The following TIA1 variants were observed in gnomAD, a reference collection of about 807,000 sequenced individuals.
The protein encoded by TIA1 is TIA1 cytotoxic granule associated RNA binding protein.
A neutral mutation model predicts 65.9 loss-of-function variants in TIA1; 23 were observed. That is an observed-to-expected ratio of 0.35 (90% CI 0.25 to 0.49). The LOEUF is 0.49. Among genes scored for constraint, TIA1 ranks in the 20% least tolerant of loss-of-function variants. TIA1 has a pLI of 0.98. For synonymous variants in TIA1, 147 were observed against 149.4 expected, an observed-to-expected ratio of 0.98 and a Z score of 0.12; for missense variants, 371 against 477.9, an observed-to-expected ratio of 0.78 and a Z score of 2.09.
intron 7 of TIA1, 155 bp from the exon 8 acceptor site, chr2:70,217,149 G>A: frequency 1.8e-6 from 1 of 546,086 alleles, no homozygotes; most frequent in Non-Finnish European, 2.9e-6. Flanking sequence ...AAAATGCAAT[G>A]GTGCTTTTTA....
At position 70,233,981 on chromosome 2, in the gene TIA1, G is replaced by C. The variant is rs141802885; in HGVS notation, c.123+2098C>G. Among the ~76,000 whole-genome samples the C allele has an allele frequency of 3.6e-3, 541 of 152,294 alleles. 1 individual carries two copies. The highest frequency in any genetic ancestry group is 5.3e-3 in the Non-Finnish European group (359 of 68,020). On this transcript the variant is annotated intron_variant, in intron 2 of 12. Coordinates refer to ENST00000433529, the MANE Select transcript of TIA1 (RefSeq NM_022173.4). Reference sequence around the variant, plus strand: ...TTAGATTTGAATAATAAAAATCTAAGCTTTTGAGCGATCAGAATCCACAAA... The same window carrying C: ...TTAGATTTGAATAATAAAAATCTAACCTTTTGAGCGATCAGAATCCACAAA...
rs1488498734 is a variant in TIA1, at chr2:70,210,295, C to T, written c.*2424G>A. On this transcript the variant is annotated 3_prime_UTR_variant, in exon 13 of 13. Coordinates refer to ENST00000433529, the MANE Select transcript of TIA1 (RefSeq NM_022173.4). Reference sequence around the variant, plus strand: ...CATTAAGTGTAAATCACTTCAGGTTCTTTACAGTACCAGAAAGTAAAATCT... The same window carrying T: ...CATTAAGTGTAAATCACTTCAGGTTTTTTACAGTACCAGAAAGTAAAATCT... The T allele has an allele frequency of 2.0e-5, 3 of 152,298 alleles. No homozygotes were observed. The East Asian group carries it at 5.8e-4, about 29-fold the overall frequency. The allele number at this position is 152,298 out of a possible 1,614,324, so 9.4% of individuals were successfully genotyped here. A position where few individuals can be genotyped will look rare whatever the true frequency, so the allele number is the denominator to read the frequency against.
intron 1 of TIA1, among the ~76,000 whole-genome samples, chr2:70,245,700 G>A (rs747468444): frequency 3.3e-5 from 5 of 152,036 alleles, no homozygotes; most frequent in East Asian, 1.9e-4. Flanking sequence ...ATAAACTTTC[G>A]GGAAGTTTGT....
intron 1 of TIA1, among the ~76,000 whole-genome samples, chr2:70,244,642 T>G (rs1247486809): frequency 6.6e-6 from 1 of 151,884 alleles, no homozygotes; most frequent in Non-Finnish European, 1.5e-5. Flanking sequence ...GAGACCATCC[T>G]GGCTAACACG....
intron 6 of TIA1, chr2:70,224,852 A>G: frequency 7.8e-7 from 1 of 1,273,904 alleles, no homozygotes; most frequent in Non-Finnish European, 9.9e-7. Flanking sequence ...TTTATATTGT[A>G]CAGAAATTGC....
chr2:70,245,685 G>A (rs780451176), intron 1 of TIA1, among the ~76,000 whole-genome samples: 2 of 152,094 alleles, frequency 1.3e-5, no homozygotes, highest in African/African-American at 4.8e-5. Context: ...AAATAATCTT[G>A]CAGTATAAAC....
intron 11 of TIA1, 89 bp from the exon 12 acceptor site, chr2:70,214,583 C>A (rs978481907): frequency 4.1e-5 from 38 of 938,148 alleles, no homozygotes; most frequent in Non-Finnish European, 5.2e-5. Flanking sequence ...CCAAAACACA[C>A]AGGGCCATCA....
At chr2:70,213,093 C>T (rs1199620579) in intron 12 of TIA1, among the ~76,000 whole-genome samples, 1 of 151,980 alleles carries the variant, frequency 6.6e-6, no homozygotes, top group Non-Finnish European at 1.5e-5. Flanking sequence ...TAAGAAAATA[C>T]CCTGAACTTA....
intron 2 of TIA1, among the ~76,000 whole-genome samples, chr2:70,234,671 A>G (rs58938541): frequency 6.6e-6 from 1 of 152,000 alleles, no homozygotes; most frequent in Admixed American, 6.6e-5. Flanking sequence ...AAACAATTCT[A>G]CTGCCTTAGC....
At chr2:70,215,872 C>T (rs930149115) in intron 10 of TIA1, among the ~76,000 whole-genome samples, 9 of 152,098 alleles carry the variant, frequency 5.9e-5, no homozygotes, top group African/African-American at 1.9e-4. Flanking sequence ...CCTCAGCCTC[C>T]CGAGTAGCTG....
rs1573117452 is a variant in TIA1 at position 70,212,610 on chromosome 2, T to C, written c.*109A>G. On this transcript the variant is annotated 3_prime_UTR_variant, in exon 13 of 13. Transcript: ENST00000433529. The stretch of plus-strand genomic sequence containing the variant: ...AAAATGAATCTTTTAAATAAATACA[T>C]TGTATCTGACATTTGCACTGACTGA... 5 of 625,938 alleles carry C rather than the reference T, an allele frequency of 8.0e-6. No homozygotes were observed. Among genetic ancestry groups the C allele is most frequent in the East Asian group, 5.3e-5 (2 of 38,002 alleles). 38.8% of individuals were successfully genotyped at this position (625,938 alleles called of 1,614,324 possible).
intron 1 of TIA1, among the ~76,000 whole-genome samples, chr2:70,239,662 C>T (rs1690809068): frequency 1.3e-5 from 2 of 152,144 alleles, no homozygotes; most frequent in Non-Finnish European, 2.9e-5. Context: ...ATATTGAGTG[C>T]TTAACACGAA....
chr2:70,222,719 G>C (rs2104221501), intron 7 of TIA1, among the ~76,000 whole-genome samples: 1 of 152,298 alleles, frequency 6.6e-6, no homozygotes, highest in South Asian at 2.1e-4. Context: ...TTTGAGACCA[G>C]CCTGGCCAAC....
chr2:70,230,170 A>G (rs113005557), intron 3 of TIA1, among the ~76,000 whole-genome samples: 12,525 of 147,582 alleles, frequency 0.085, 546 homozygotes, highest in East Asian at 0.19. Context: ...ATGAACCCGG[A>G]AGGCAGAGCT....
chr2:70,221,851 A>T (rs1260404964), intron 7 of TIA1, among the ~76,000 whole-genome samples: 3 of 151,850 alleles, frequency 2.0e-5, no homozygotes, highest in African/African-American at 7.3e-5. Context: ...GCAGTGGTGC[A>T]ATCTCAGCTC....
intron 1 of TIA1, among the ~76,000 whole-genome samples, chr2:70,238,723 C>G (rs993586528): frequency 6.6e-6 from 1 of 151,846 alleles, no homozygotes; most frequent in African/African-American, 2.4e-5. Flanking sequence ...ATAAATCGTG[C>G]ATTACAAGAC....
chr2:70,228,215 TTAAAA>T (rs1684637284), intron 5 of TIA1: 4 of 672,118 alleles, frequency 6.0e-6, no homozygotes, highest in Non-Finnish European at 8.1e-6. Context: ...GCTTTACAAA[TTAAAA>T]TAAAATAGTG....
chr2:70,237,746 C>T (rs1390170471), intron 1 of TIA1, among the ~76,000 whole-genome samples: 4 of 151,738 alleles, frequency 2.6e-5, no homozygotes, highest in African/African-American at 7.3e-5. Context: ...TGCCTGTAAT[C>T]CCAGCTACTG....
At position 70,236,161 on chromosome 2, in the gene TIA1, A is replaced by C. The variant is rs1688810005; in HGVS notation, c.41T>G (p.Leu14Arg). ...EMPKTLYVGN[L>R]SRDVTEALIL... ...TAGAGCTTCTGTCACATCTCTGGAAAGGTTACCGACGTATCTGAAACACAA... is the reference window on the plus strand; with the variant it reads ...TAGAGCTTCTGTCACATCTCTGGAACGGTTACCGACGTATCTGAAACACAA... The change falls in exon 2 of 13, where the codon CTT (leucine) becomes CGT (arginine). Residue 14 changes from leucine to arginine, a missense_variant. Leu to Arg is a moderately radical substitution (Grantham distance 102). Transcript: ENST00000433529. 1.9e-6 allele frequency: 3 copies of C among 1,610,302 alleles called. No individual in the cohort carries two copies. Among genetic ancestry groups the C allele is most frequent in the Admixed American group, 3.4e-5 (2 of 59,654 alleles).
Sources: gnomAD v4.1 joint callset for allele counts (sites outside exome capture counted in the v4.1 genomes callset) on GRCh38, gnomAD v4.1.1 for gene constraint, MANE v1.5 for transcripts, NCBI Gene and HGNC (gene_info 2026-07-23, HGNC 2026-07-21) for gene names.